Variants in SNX2 observed in about 807,000 individuals in gnomAD.
The protein encoded by SNX2 is sorting nexin-2.
SNX2 carries 25 observed loss-of-function variants against 69.9 expected under a neutral mutation model. That is an observed-to-expected ratio of 0.36 (90% CI 0.26 to 0.50). SNX2 has a LOEUF of 0.50. SNX2 is among the 20% of genes least tolerant of loss of function. The probability of loss-of-function intolerance (pLI) is 0.97; values close to 1 mark genes in which losing one functional copy is unlikely to be tolerated. For missense variants in SNX2, 551 were observed against 613.3 expected (o/e 0.90, Z 1.07); for synonymous variants, 229 against 200.4 (o/e 1.14, Z -1.20).
chr5:122,789,503 A>ACACT (rs1491074641), intron 1 of SNX2, among the ~76,000 whole-genome samples: 2 of 142,968 alleles, frequency 1.4e-5, no homozygotes, highest in Non-Finnish European at 3.0e-5. Context: ...ACACACACAC[A>ACACT]CTCTTCCTCT....
At chr5:122,798,687 C>T (rs1009309507) in intron 2 of SNX2, among the ~76,000 whole-genome samples, 2 of 152,116 alleles carry the variant, frequency 1.3e-5, no homozygotes, top group Non-Finnish European at 1.5e-5. Context: ...ATTATGGCCA[C>T]CACTTGTGAT....
intron 6 of SNX2, among the ~76,000 whole-genome samples, chr5:122,805,633 A>C (rs1753625583): frequency 6.6e-6 from 1 of 152,050 alleles, no homozygotes; most frequent in African/African-American, 2.4e-5. Context: ...GTTCAATCCA[A>C]AGTGTTGAAA....
At chr5:122,808,537 T>A (rs1753702059) in intron 7 of SNX2, 182 bp downstream of exon 7, 1 of 470,670 alleles carries the variant, frequency 2.1e-6, no homozygotes, top group Non-Finnish European at 3.8e-6. Flanking sequence ...TACTGTATAA[T>A]TGTTCTGTAT....
intron 7 of SNX2, among the ~76,000 whole-genome samples, chr5:122,815,243 G>A (rs1386317073): frequency 2.0e-5 from 3 of 151,984 alleles, no homozygotes; most frequent in Non-Finnish European, 2.9e-5. Flanking sequence ...TGTGGTATTC[G>A]TTTATTTGAT....
chr5:122,806,142 G>GCACGCACACACACACACA (rs1554063175), intron 6 of SNX2, among the ~76,000 whole-genome samples: 3 of 130,584 alleles, frequency 2.3e-5, no homozygotes, highest in African/African-American at 8.7e-5. Flanking sequence ...ACACGCGCGC[G>GCACGCACACACACACACA]CACACACACA....
chr5:122,824,051 A>G (rs1009644875), intron 11 of SNX2, among the ~76,000 whole-genome samples: 3 of 151,902 alleles, frequency 2.0e-5, no homozygotes, highest in Admixed American at 6.6e-5. Flanking sequence ...AATAAAAATA[A>G]ATTAGCTGGG....
chr5:122,819,795 CTTGT>C (rs1236914692), intron 11 of SNX2, among the ~76,000 whole-genome samples: 1 of 152,036 alleles, frequency 6.6e-6, no homozygotes, highest in Non-Finnish European at 1.5e-5. Context: ...TTAATGAGAT[CTTGT>C]TTCTTTCTTA....
In SNX2 at chr5:122,808,367, CA is replaced by C; in HGVS notation, c.722+13del. On this transcript the variant is annotated intron_variant, in intron 7 of 14. Transcript: ENST00000379516. The stretch of plus-strand genomic sequence containing the variant: ...GCAGCTCTTGAAAGGTAATTCTAGA[CA>C]GCTATATTTTATTACTCTCATGTTT... 6 of 1,557,882 alleles carry C rather than the reference CA, an allele frequency of 3.9e-6. No individual in the cohort carries two copies. The highest frequency in any genetic ancestry group is 5.3e-6 in the Non-Finnish European group (6 of 1,135,286).
chr5:122,814,184 T>C (rs1051331436), intron 7 of SNX2, among the ~76,000 whole-genome samples: 3 of 152,226 alleles, frequency 2.0e-5, no homozygotes, highest in Admixed American at 6.5e-5. Context: ...GAGCAACTTA[T>C]GCAAACTGCC....
rs1262673606 is a variant in SNX2 at position 122,833,490 on chromosome 5, TATAAG to T, written c.*3846_*3850del. ...AATATGTAATCCAATATATTGAAGT[TATAAG>T]ATATTTTACATTCTTTTTTTGATAT... is the stretch of plus-strand genomic sequence containing the variant. On this transcript the variant is annotated 3_prime_UTR_variant, in exon 15 of 15. Transcript: ENST00000379516. 1 of 152,208 alleles carries T rather than the reference TATAAG, an allele frequency of 6.6e-6. No homozygotes were observed. Among genetic ancestry groups the T allele is most frequent in the Non-Finnish European group, 1.5e-5 (1 of 68,028 alleles). The allele number at this position is 152,208 out of a possible 1,614,324, so 9.4% of individuals were successfully genotyped here.
At chr5:122,823,023 G>A (rs752529729) in intron 11 of SNX2, among the ~76,000 whole-genome samples, 1 of 152,152 alleles carries the variant, frequency 6.6e-6, no homozygotes, top group Non-Finnish European at 1.5e-5. Context: ...TAAAATTGTA[G>A]CATCAAATTT....
intron 11 of SNX2, among the ~76,000 whole-genome samples, chr5:122,822,504 A>T (rs1024877162): frequency 6.6e-6 from 1 of 152,212 alleles, no homozygotes; most frequent in Non-Finnish European, 1.5e-5. Flanking sequence ...TATCGAGCGT[A>T]CTTTTCTGAT....
chr5:122,776,489 G>A (rs1249623672), intron 1 of SNX2, among the ~76,000 whole-genome samples: 3 of 152,014 alleles, frequency 2.0e-5, no homozygotes, highest in Non-Finnish European at 4.4e-5. Context: ...ATAGCCAAAA[G>A]CCGCAATTAC....
intron 7 of SNX2, among the ~76,000 whole-genome samples, chr5:122,811,108 G>A (rs899492991): frequency 3.3e-5 from 5 of 152,268 alleles, no homozygotes; most frequent in African/African-American, 9.6e-5. Context: ...GTGGGTTAGG[G>A]AAGCATTTTT....
intron 14 of SNX2, chr5:122,827,985 T>C (rs1754193390): frequency 5.2e-6 from 1 of 191,110 alleles, no homozygotes; most frequent in Admixed American, 5.8e-5. Context: ...TAAGTTCTTC[T>C]CTTCCATAAC....
At chr5:122,813,387 T>C (rs1753824436) in intron 7 of SNX2, among the ~76,000 whole-genome samples, 1 of 152,160 alleles carries the variant, frequency 6.6e-6, no homozygotes, top group African/African-American at 2.4e-5. Context: ...ATTAGCTTTA[T>C]TTTATGTTGC....
chr5:122,776,350 C>T (rs1032213341), intron 1 of SNX2, among the ~76,000 whole-genome samples: 2 of 152,094 alleles, frequency 1.3e-5, no homozygotes, highest in African/African-American at 4.8e-5. Flanking sequence ...CCCCACCTCC[C>T]CTCAGGTTAT....
At position 122,782,530 on chromosome 5, in the gene SNX2, C is replaced by T. The variant is rs147541777; in HGVS notation, c.108+7319C>T. ...CTGAGATTACAGGCGTGAGCCATCACGCCCGGCCTATTTTATTTTATTTGA... is the reference window on the plus strand; with the variant it reads ...CTGAGATTACAGGCGTGAGCCATCATGCCCGGCCTATTTTATTTTATTTGA... On this transcript the variant is annotated intron_variant, in intron 1 of 14. Transcript: ENST00000379516. Among the ~76,000 whole-genome samples the T allele has an allele frequency of 3.4e-3, 515 of 151,884 alleles. 4 individuals are homozygous for T. Among genetic ancestry groups the T allele is most frequent in the African/African-American group, 0.012 (490 of 41,408 alleles).
chr5:122,801,136 C>G (rs190164060), intron 3 of SNX2, among the ~76,000 whole-genome samples: 136 of 152,164 alleles, frequency 8.9e-4, no homozygotes, highest in African/African-American at 3.2e-3. Flanking sequence ...TAATGACTAC[C>G]TACCTCCTTG....
Sources: allele counts gnomAD v4.1 joint callset (sites outside exome capture counted in the v4.1 genomes callset), GRCh38; gene constraint gnomAD v4.1.1; transcripts MANE v1.5; gene names NCBI Gene and HGNC (gene_info 2026-07-23, HGNC 2026-07-21).